Variants in KDM4B observed in about 807,000 individuals in gnomAD.
KDM4B encodes the protein lysine demethylase 4B, also known as lysine-specific demethylase 4B.
In KDM4B, 32 loss-of-function variants were observed where a neutral mutation model predicts 125.2. The observed-to-expected ratio is 0.26, with a 90% confidence interval of 0.19 to 0.34. The LOEUF (loss-of-function observed/expected upper bound fraction) is 0.34. Among genes scored for constraint, KDM4B ranks in the 10% least tolerant of loss-of-function variants. The pLI is 1.00. For missense variants in KDM4B, 1,190 were observed against 1,577.7 expected (o/e 0.75, Z 4.16); for synonymous variants, 721 against 677.9 (o/e 1.06, Z -0.99).
chr19:5,131,100 C>A lies in KDM4B; in HGVS notation c.1340C>A (p.Pro447Gln). 2 of 1,514,156 alleles carry A rather than the reference C, an allele frequency of 1.3e-6. No homozygotes were observed. The highest frequency in any genetic ancestry group is 1.8e-6 in the Non-Finnish European group (2 of 1,131,048). 93.8% of individuals were successfully genotyped at this position (1,514,156 alleles called of 1,614,324 possible). A position where few individuals can be genotyped will look rare whatever the true frequency, so the allele number is the denominator to read the frequency against. ...GAGGACGGGAGGGGCAAGCTGCGGC[C>A]AACCAAGGCCAAGAGCGAGCGGAAG... ...AEEDGRGKLR[P>Q]TKAKSERKKK... The change falls in exon 12 of 23, where the codon CCA (proline) becomes CAA (glutamine). Residue 447 changes from proline to glutamine, a missense_variant. Physicochemically the swap from Pro to Gln is moderately conservative, Grantham distance 76 (BLOSUM62 -1). Transcript: ENST00000159111.
At chr19:5,060,444 AAAAAAAAAAAAAAAAAAAAG>A (rs1466646556) in intron 6 of KDM4B, among the ~76,000 whole-genome samples, 4 of 128,244 alleles carry the variant, frequency 3.1e-5, no homozygotes, top group Non-Finnish European at 4.6e-5. Context: ...AAAAAAAAAA[AAAAAAAAAAAAAAAAAAAAG>A]GGAGCCATGA....
chr19:5,065,577 C>T (rs1169375616), intron 6 of KDM4B, among the ~76,000 whole-genome samples: 1 of 152,178 alleles, frequency 6.6e-6, no homozygotes, highest in East Asian at 1.9e-4. Flanking sequence ...AACAAAACAC[C>T]AAGAAATTAC....
At chr19:5,061,375 C>T (rs2145777215) in intron 6 of KDM4B, among the ~76,000 whole-genome samples, 1 of 152,306 alleles carries the variant, frequency 6.6e-6, no homozygotes, top group East Asian at 1.9e-4. Flanking sequence ...ATCTCTTGTC[C>T]CGTAAAACGA....
At chr19:5,132,066 T>C in intron 13 of KDM4B, 59 bp downstream of exon 13, 1 of 1,499,176 alleles carries the variant, frequency 6.7e-7, no homozygotes. Flanking sequence ...CTGCTGCTGC[T>C]GGAGGGGGGG....
Position 5,103,404 on chromosome 19 carries a change from C to G in KDM4B, c.919-7218C>G, listed in dbSNP as rs1023166827. Among the ~76,000 whole-genome samples, 3 of 152,192 alleles carry G rather than the reference C, an allele frequency of 2.0e-5. No homozygotes were observed. The East Asian group carries it at 5.8e-4, about 29-fold the overall frequency. On this transcript the variant is annotated intron_variant, in intron 9 of 22. Coordinates refer to ENST00000159111, the MANE Select transcript of KDM4B (RefSeq NM_015015.3). Reference sequence around the variant, plus strand: ...GCATAACCGGAGGCAAACCAGCAGCCCCGCCCGCTTTCTCATTTTCCTGGG... The same window carrying G: ...GCATAACCGGAGGCAAACCAGCAGCGCCGCCCGCTTTCTCATTTTCCTGGG...
At chr19:4,981,711 C>G (rs1035468107) in intron 1 of KDM4B, among the ~76,000 whole-genome samples, 1 of 152,168 alleles carries the variant, frequency 6.6e-6, no homozygotes, top group Non-Finnish European at 1.5e-5. Context: ...CAGTGCCAAG[C>G]CCCACCTCTT....
chr19:4,971,555 G>C lies in KDM4B; in HGVS notation c.-109+2325G>C, dbSNP rs1219538209. 6.6e-6 allele frequency among the ~76,000 whole-genome samples: 1 copy of C among 152,192 alleles called. No homozygotes were observed. The highest frequency in any genetic ancestry group is 2.4e-5 in the African/African-American group (1 of 41,456). On this transcript the variant is annotated intron_variant, in intron 1 of 22. Transcript: ENST00000159111. The surrounding 1 kb of genome is among the most constrained non-coding windows in gnomAD (Gnocchi z 4.1). ...CTGTGGGGACGTGCCTTGGGGTCAT[G>C]CGTTCACCTGGTCTGGGGCTGCTAG...
intron 17 of KDM4B, 71 bp downstream of exon 17, chr19:5,137,747 G>A (rs1333070214): frequency 2.2e-6 from 3 of 1,382,050 alleles, no homozygotes; most frequent in Non-Finnish European, 2.0e-6. Flanking sequence ...TCTGCAGGGT[G>A]TGACCCCAGT....
At chr19:5,094,328 C>A (rs566576535) in intron 9 of KDM4B, among the ~76,000 whole-genome samples, 175 of 152,332 alleles carry the variant, frequency 1.1e-3, no homozygotes, top group African/African-American at 4.1e-3. Flanking sequence ...TGGGGAGGAA[C>A]GAAAATTGCG....
At chr19:5,028,809 C>G (rs1039972369) in intron 2 of KDM4B, among the ~76,000 whole-genome samples, 2 of 152,212 alleles carry the variant, frequency 1.3e-5, no homozygotes, top group Admixed American at 6.5e-5. Flanking sequence ...TTCTGATTTG[C>G]ATTTCCCTGG....
At chr19:4,969,916 G>A (rs1200532566) in intron 1 of KDM4B, among the ~76,000 whole-genome samples, 2 of 151,684 alleles carry the variant, frequency 1.3e-5, no homozygotes, top group Non-Finnish European at 2.9e-5. Context: ...ATCTTGCTAT[G>A]CAACGGCAGC....
intron 6 of KDM4B, among the ~76,000 whole-genome samples, chr19:5,048,253 G>A (rs1010995110): frequency 6.6e-6 from 1 of 152,242 alleles, no homozygotes. Flanking sequence ...CCTTCTCCTG[G>A]CTCCCTGTGC....
intron 1 of KDM4B, among the ~76,000 whole-genome samples, chr19:4,994,631 G>C (rs2035144608): frequency 6.7e-6 from 1 of 150,144 alleles, no homozygotes; most frequent in South Asian, 2.1e-4. Context: ...TATATAGTTG[G>C]ATCTTGTTTT....
chr19:5,041,409 C>T (rs563661281), intron 5 of KDM4B, among the ~76,000 whole-genome samples, 158 bp downstream of exon 5: 5 of 152,054 alleles, frequency 3.3e-5, no homozygotes, highest in South Asian at 4.1e-4. Context: ...CCTGTGGTGA[C>T]GAAAGAGGAA....
chr19:5,065,783 G>A (rs1019125122), intron 6 of KDM4B, among the ~76,000 whole-genome samples: 3 of 152,208 alleles, frequency 2.0e-5, no homozygotes, highest in African/African-American at 7.2e-5. Flanking sequence ...TCCTCTGCAC[G>A]GCCGGGGGCT....
Position 5,039,928 on chromosome 19 carries a change from C to T in KDM4B, c.234C>T (p.Gly78=). ...IPAPIQQVVT[G]QSGLFTQYNI... Reference sequence around the variant, plus strand: ...CGCCCATCCAGCAGGTGGTGACGGGCCAGTCGGGCCTCTTCACGCAGTACA... The same window carrying T: ...CGCCCATCCAGCAGGTGGTGACGGGTCAGTCGGGCCTCTTCACGCAGTACA... Residue 78 remains glycine, a synonymous_variant, in exon 4 of 23, where the codon GGC becomes GGT. Coordinates refer to ENST00000159111, the MANE Select transcript of KDM4B (RefSeq NM_015015.3). 1.2e-6 allele frequency: 2 copies of T among 1,612,990 alleles called. No individual in the cohort carries two copies. The highest frequency in any genetic ancestry group is 1.7e-6 in the Non-Finnish European group (2 of 1,179,906).
intron 14 of KDM4B, among the ~76,000 whole-genome samples, chr19:5,134,626 C>T (rs972751343): frequency 6.6e-6 from 1 of 152,228 alleles, no homozygotes; most frequent in African/African-American, 2.4e-5. Flanking sequence ...TTCCCCTGGG[C>T]ATGCAGCCTC....
Position 5,014,661 on chromosome 19 carries a change from A to G in KDM4B, c.-108-1596A>G, listed in dbSNP as rs974811480. 2.0e-5 allele frequency among the ~76,000 whole-genome samples: 3 copies of G among 152,046 alleles called. No individual in the cohort carries two copies. In the East Asian group the frequency reaches 5.8e-4, roughly 29 times the overall value. ...TGGCCTCAAGTGATCCTCCCTCATCATCCTCCCAAAGTGCTGGCATTACAG... is the reference window on the plus strand; with the variant it reads ...TGGCCTCAAGTGATCCTCCCTCATCGTCCTCCCAAAGTGCTGGCATTACAG... On this transcript the variant is annotated intron_variant, in intron 1 of 22. Transcript: ENST00000159111.
rs2034544589 is a variant in KDM4B, at chr19:4,978,848, C to T, written c.-109+9618C>T. ...GTCACTGTAGCCACACCCTGGGTCC[C>T]TCTGAGTGGGTTTGCATTGTCCAGC... is the stretch of plus-strand genomic sequence containing the variant. On this transcript the variant is annotated intron_variant, in intron 1 of 22. Transcript: ENST00000159111. Among the ~76,000 whole-genome samples the T allele has an allele frequency of 2.6e-5, 4 of 152,244 alleles. No individual in the cohort carries two copies. In the South Asian group the frequency reaches 8.3e-4, roughly 31 times the overall value.
Sources: allele counts gnomAD v4.1 joint callset (sites outside exome capture counted in the v4.1 genomes callset), GRCh38; gene constraint gnomAD v4.1.1; non-coding constraint Gnocchi (gnomAD v3.1); transcripts MANE v1.5; gene names NCBI Gene and HGNC (gene_info 2026-07-23, HGNC 2026-07-21).